DOCK3: variants seen among roughly 807,000 people sequenced by gnomAD.
DOCK3 encodes the protein dedicator of cytokinesis 3.
Under a neutral mutation model 265.6 loss-of-function variants are expected in DOCK3, and 60 were observed. The ratio of observed to expected loss-of-function variants is 0.23; its 90% CI spans 0.18 to 0.28. The LOEUF (loss-of-function observed/expected upper bound fraction) is 0.28, where lower values mean the gene tolerates loss of function less well. DOCK3 is among the 10% of genes least tolerant of loss of function. The pLI is 1.00. For synonymous variants in DOCK3, 881 were observed against 938.0 expected (o/e 0.94, Z 1.11); for missense variants, 1,981 against 2,594.3 (o/e 0.76, Z 5.14).
chr3:51,365,121 A>G (rs1181214923), intron 49 of DOCK3, among the ~76,000 whole-genome samples: 1 of 152,214 alleles, frequency 6.6e-6, no homozygotes, highest in Non-Finnish European at 1.5e-5. Flanking sequence ...TGAGCATGGA[A>G]TGTTGGAACT....
At chr3:50,859,882 T>A (rs1483028308) in intron 3 of DOCK3, among the ~76,000 whole-genome samples, 1 of 152,168 alleles carries the variant, frequency 6.6e-6, no homozygotes, top group African/African-American at 2.4e-5. Flanking sequence ...GAAGTGTGGG[T>A]TTCTCTCTTT....
intron 27 of DOCK3, among the ~76,000 whole-genome samples, chr3:51,287,261 A>C (rs2081458441): frequency 6.6e-6 from 1 of 152,234 alleles, no homozygotes; most frequent in African/African-American, 2.4e-5. Context: ...GCAAGATACT[A>C]TCTGAGACCA....
intron 23 of DOCK3, among the ~76,000 whole-genome samples, chr3:51,265,047 A>G (rs1346732419): frequency 6.6e-6 from 1 of 152,126 alleles, no homozygotes; most frequent in Non-Finnish European, 1.5e-5. Flanking sequence ...AGAAATAGAA[A>G]CTACCATCAG....
At chr3:51,318,697 C>A (rs990426439) in intron 32 of DOCK3, among the ~76,000 whole-genome samples, 4 of 151,806 alleles carry the variant, frequency 2.6e-5, no homozygotes, top group Non-Finnish European at 5.9e-5. Flanking sequence ...GTAAAACTTA[C>A]GTTTATCTAG....
chr3:51,380,968 G>A, intron 52 of DOCK3, 82 bp from the exon 53 acceptor site: 1 of 1,479,206 alleles, frequency 6.8e-7, no homozygotes, highest in East Asian at 2.3e-5. Flanking sequence ...TCATTCATAA[G>A]CAGGCTCTTG....
chr3:51,319,850 C>A (rs921647065), intron 32 of DOCK3, among the ~76,000 whole-genome samples: 2 of 130,760 alleles, frequency 1.5e-5, no homozygotes, highest in Non-Finnish European at 3.3e-5. Flanking sequence ...GGCGACAGAG[C>A]GAGACTCCAT....
At chr3:51,012,625 C>G (rs1432568012) in intron 5 of DOCK3, among the ~76,000 whole-genome samples, 1 of 152,106 alleles carries the variant, frequency 6.6e-6, no homozygotes, top group East Asian at 1.9e-4. Flanking sequence ...CCTGCTTTGG[C>G]TCACACCCGG....
chr3:50,997,386 T>C (rs973513028), intron 5 of DOCK3, among the ~76,000 whole-genome samples: 1 of 152,140 alleles, frequency 6.6e-6, no homozygotes, highest in African/African-American at 2.4e-5. Context: ...AAGATACTCA[T>C]ATAGTGTACA....
At chr3:51,100,490 T>C (rs1174217605) in intron 9 of DOCK3, among the ~76,000 whole-genome samples, 1 of 152,168 alleles carries the variant, frequency 6.6e-6, no homozygotes, top group African/African-American at 2.4e-5. Flanking sequence ...TCAAATTCTA[T>C]GTATGAGCTC....
At chr3:51,203,648 G>C (rs1472030675) in intron 12 of DOCK3, among the ~76,000 whole-genome samples, 1 of 152,110 alleles carries the variant, frequency 6.6e-6, no homozygotes, top group Non-Finnish European at 1.5e-5. Flanking sequence ...TTTCTTCACA[G>C]AATTGGAAAA....
intron 5 of DOCK3, among the ~76,000 whole-genome samples, chr3:50,980,009 A>G (rs115916770): frequency 0.01 from 1,593 of 152,314 alleles, 9 homozygotes; most frequent in Non-Finnish European, 0.016. Context: ...AAGAATGTTC[A>G]AAGTGGGCAT....
chr3:51,124,820 T>C (rs1474625313), intron 9 of DOCK3, among the ~76,000 whole-genome samples: 1 of 152,116 alleles, frequency 6.6e-6, no homozygotes, highest in Non-Finnish European at 1.5e-5. Flanking sequence ...TACAATACTA[T>C]AATATTGTTT....
intron 9 of DOCK3, among the ~76,000 whole-genome samples, chr3:51,105,454 C>G (rs1258172622): frequency 1.3e-5 from 2 of 152,148 alleles, no homozygotes; most frequent in Non-Finnish European, 2.9e-5. Flanking sequence ...AAAAGACAAA[C>G]AAGAATGTTC....
chr3:50,928,686 T>C (rs573191064), intron 4 of DOCK3, among the ~76,000 whole-genome samples: 1 of 152,352 alleles, frequency 6.6e-6, no homozygotes, highest in East Asian at 1.9e-4. Flanking sequence ...GTGATTCTTT[T>C]CATTTCTCTA....
intron 3 of DOCK3, among the ~76,000 whole-genome samples, chr3:50,871,815 A>G (rs771657355): frequency 1.3e-5 from 2 of 152,208 alleles, no homozygotes; most frequent in Admixed American, 6.5e-5. Flanking sequence ...TCTTGATTCA[A>G]CAGACTCTGG....
intron 4 of DOCK3, among the ~76,000 whole-genome samples, chr3:50,924,445 T>C (rs2050660490): frequency 6.6e-6 from 1 of 152,256 alleles, no homozygotes; most frequent in Non-Finnish European, 1.5e-5. Flanking sequence ...GTCAGCTCCT[T>C]ATCTTCCTTC....
At chr3:51,102,527 G>T (rs2083126899) in intron 9 of DOCK3, among the ~76,000 whole-genome samples, 1 of 152,314 alleles carries the variant, frequency 6.6e-6, no homozygotes, top group East Asian at 1.9e-4. Context: ...GGAGACTCAT[G>T]AGAGAGAATG....
chr3:51,301,759 T>C (rs569923307), intron 27 of DOCK3, among the ~76,000 whole-genome samples: 4 of 152,206 alleles, frequency 2.6e-5, no homozygotes, highest in Non-Finnish European at 5.9e-5. Context: ...AGTTTCTTAA[T>C]CTTGAGTTCT....
rs141250272 is a variant in DOCK3, at chr3:51,159,515, T to C, written c.889+211T>C. ...GATTCGGGGGGGTGGGTTTTGTTTG[T>C]GTTTTTTAATCACTTAAAACCTTCT... On this transcript the variant is annotated intron_variant, in intron 11 of 52. Coordinates refer to ENST00000266037, the MANE Select transcript of DOCK3 (RefSeq NM_004947.5). Among the ~76,000 whole-genome samples the C allele has an allele frequency of 2.6e-3, 390 of 152,292 alleles. 3 individuals carry two copies. The Middle Eastern group carries it at 0.031, about 12-fold the overall frequency.
Sources: gnomAD v4.1 joint callset for allele counts (sites outside exome capture counted in the v4.1 genomes callset) on GRCh38, gnomAD v4.1.1 for gene constraint, MANE v1.5 for transcripts, NCBI Gene and HGNC (gene_info 2026-07-23, HGNC 2026-07-21) for gene names.